Variants in NAV1 observed in about 807,000 individuals in gnomAD.
The protein encoded by NAV1 is neuron navigator 1.
NAV1 carries 18 observed loss-of-function variants against 175.2 expected under a neutral mutation model. The observed-to-expected ratio is 0.10, with a 90% CI of 0.07 to 0.15. The LOEUF (loss-of-function observed/expected upper bound fraction) is 0.15. Among genes scored for constraint, NAV1 ranks in the 10% least tolerant of loss-of-function variants. NAV1 has a pLI of 1.00. For synonymous variants in NAV1, 897 were observed against 978.7 expected, an observed-to-expected ratio of 0.92 and a Z score of 1.56; for missense variants, 1,731 against 2,436.6, an observed-to-expected ratio of 0.71 and a Z score of 6.10.
intron 2 of NAV1, among the ~76,000 whole-genome samples, chr1:201,714,496 C>T (rs952622140): frequency 6.6e-6 from 1 of 152,188 alleles, no homozygotes; most frequent in Non-Finnish European, 1.5e-5. Context: ...ACCCTGACTA[C>T]TGAAAGGGAG....
At chr1:201,748,457 G>A (rs1350797792) in intron 3 of NAV1, among the ~76,000 whole-genome samples, 1 of 151,764 alleles carries the variant, frequency 6.6e-6, no homozygotes, top group Non-Finnish European at 1.5e-5. Flanking sequence ...ACCTCAGCAG[G>A]GAACCTACCA....
intron 3 of NAV1, among the ~76,000 whole-genome samples, chr1:201,761,836 C>T (rs1372580140): frequency 6.6e-5 from 10 of 152,092 alleles, no homozygotes; most frequent in Non-Finnish European, 1.2e-4. Context: ...CTTTTCCAAC[C>T]TCTTCCTTTT....
chr1:201,610,623 T>G (rs973757094), intron 2 of NAV1, among the ~76,000 whole-genome samples: 2 of 152,226 alleles, frequency 1.3e-5, no homozygotes, highest in African/African-American at 4.8e-5. Flanking sequence ...CAGGACGCCC[T>G]GTCTGGGGAA....
chr1:201,725,289 T>G (rs759551918), intron 3 of NAV1, among the ~76,000 whole-genome samples: 4 of 152,234 alleles, frequency 2.6e-5, no homozygotes, highest in Non-Finnish European at 5.9e-5. Context: ...TGTTTCCTGG[T>G]AGGTCTTTAG....
chr1:201,589,793 G>GTTATTTGT (rs1399890467), intron 2 of NAV1, among the ~76,000 whole-genome samples: 2 of 152,130 alleles, frequency 1.3e-5, no homozygotes, highest in African/African-American at 4.8e-5. Flanking sequence ...TGCCCGGCCT[G>GTTATTTGT]TTATTTGTTA....
intron 1 of NAV1, among the ~76,000 whole-genome samples, chr1:201,549,332 C>A (rs1046078991): frequency 3.9e-5 from 6 of 152,032 alleles, no homozygotes; most frequent in Non-Finnish European, 8.8e-5. Context: ...CCGCAGCCTC[C>A]CGAGTAGCTG....
intron 2 of NAV1, among the ~76,000 whole-genome samples, chr1:201,717,683 A>G (rs1044342842): frequency 5.3e-5 from 8 of 152,132 alleles, no homozygotes; most frequent in African/African-American, 7.2e-5. Context: ...GGCTGCTTCT[A>G]TTCTCTGGGG....
intron 1 of NAV1, among the ~76,000 whole-genome samples, chr1:201,627,375 C>A (rs1371389917): frequency 1.3e-5 from 2 of 152,136 alleles, no homozygotes; most frequent in East Asian, 3.9e-4. Context: ...CTGGTTCAAG[C>A]GATCCTCCTG....
upstream of NAV1, among the ~76,000 whole-genome samples, chr1:201,619,863 G>A (rs1668106518): frequency 6.6e-6 from 1 of 152,250 alleles, no homozygotes; most frequent in Non-Finnish European, 1.5e-5. Context: ...AATTCCCTGG[G>A]CACACATGGC....
chr1:201,771,238 CAA>C (rs3054144), intron 3 of NAV1, among the ~76,000 whole-genome samples: 4 of 92,686 alleles, frequency 4.3e-5, no homozygotes, highest in African/African-American at 4.1e-5. Flanking sequence ...GACTCCGTCT[CAA>C]AAAAAAAAAA....
At chr1:201,675,917 T>C (rs1294978387) in intron 1 of NAV1, among the ~76,000 whole-genome samples, 1 of 152,226 alleles carries the variant, frequency 6.6e-6, no homozygotes, top group Non-Finnish European at 1.5e-5. Context: ...TCATCATTCA[T>C]AATTAGAATT....
At chr1:201,649,145 C>A (rs767314586) in exon 1 of NAV1, 1 of 1,611,920 alleles carries the variant, frequency 6.2e-7, no homozygotes, top group African/African-American at 1.3e-5. Flanking sequence ...GCGCCAAGAC[C>A]CCCCTGGCTC....
In NAV1 at chr1:201,642,367, C is replaced by T. The variant is rs1177131073; in HGVS notation, c.5-6267C>T. ...AGCTGGGACTACAGTCGCCCGCCACCACACCCAGCTAATTTTTTGTTTGTT... is the reference window on the plus strand; with the variant it reads ...AGCTGGGACTACAGTCGCCCGCCACTACACCCAGCTAATTTTTTGTTTGTT... On this transcript the variant is annotated intron_variant, in intron 2 of 29. Transcript: ENST00000367302. 2.6e-5 allele frequency among the ~76,000 whole-genome samples: 4 copies of T among 151,996 alleles called. No homozygotes were observed. The East Asian group carries it at 5.9e-4, about 22-fold the overall frequency.
At chr1:201,604,205 G>A (rs1170190705) in intron 2 of NAV1, among the ~76,000 whole-genome samples, 1 of 152,170 alleles carries the variant, frequency 6.6e-6, no homozygotes, top group Non-Finnish European at 1.5e-5. Flanking sequence ...AAGGCATGTG[G>A]CACCACGCCT....
chr1:201,760,804 T>A (rs986060744), intron 3 of NAV1, among the ~76,000 whole-genome samples: 2 of 152,124 alleles, frequency 1.3e-5, no homozygotes, highest in Non-Finnish European at 2.9e-5. Flanking sequence ...CCTGAATAGA[T>A]CCTCCCACAT....
intron 15 of NAV1, among the ~76,000 whole-genome samples, chr1:201,802,778 CAA>C (rs35700238): frequency 2.1e-5 from 3 of 139,798 alleles, no homozygotes; most frequent in Non-Finnish European, 3.1e-5. Context: ...GACTCCATCT[CAA>C]AAAAAAAAAG....
chr1:201,547,667 A>G (rs1040134740), intron 1 of NAV1, among the ~76,000 whole-genome samples: 5 of 152,224 alleles, frequency 3.3e-5, no homozygotes, highest in African/African-American at 1.2e-4. Context: ...CCCAAATAGT[A>G]TGAGCCATTA....
At chr1:201,742,416 A>C (rs1215155927) in intron 3 of NAV1, among the ~76,000 whole-genome samples, 2 of 152,128 alleles carry the variant, frequency 1.3e-5, no homozygotes, top group Non-Finnish European at 2.9e-5. Context: ...ATTGTTTCAG[A>C]GCAGATGTAT....
intron 3 of NAV1, among the ~76,000 whole-genome samples, chr1:201,743,112 A>G (rs942456415): frequency 6.6e-6 from 1 of 152,216 alleles, no homozygotes; most frequent in Non-Finnish European, 1.5e-5. Context: ...CTGAGGCACA[A>G]GGAGGTTAAG....
Sources: gnomAD v4.1 joint callset for allele counts (sites outside exome capture counted in the v4.1 genomes callset) on GRCh38, gnomAD v4.1.1 for gene constraint, MANE v1.5 for transcripts, NCBI Gene and HGNC (gene_info 2026-07-23, HGNC 2026-07-21) for gene names.